Variants in MAF observed in about 807,000 individuals in gnomAD.
MAF encodes the protein MAF bZIP transcription factor.
In MAF, 10 loss-of-function variants were observed where a neutral mutation model predicts 22.0. That is an observed-to-expected ratio of 0.45 (90% CI 0.28 to 0.77). The LOEUF (loss-of-function observed/expected upper bound fraction) is 0.77. MAF is among the 30% of genes least tolerant of loss of function. MAF has a pLI of 0.12. For missense variants in MAF, 544 were observed against 548.4 expected, an observed-to-expected ratio of 0.99 and a Z score of 0.08; for synonymous variants, 337 against 255.8, an observed-to-expected ratio of 1.32 and a Z score of -3.03.
the MAF span, among the ~76,000 whole-genome samples, chr16:79,271,420 G>A: frequency 8.5e-5 from 13 of 152,110 alleles, no homozygotes; most frequent in Admixed American, 2.0e-4. Context: ...ACAAATGCCC[G>A]GTAACCTTAG....
chr16:79,340,161 G>T, the MAF span, among the ~76,000 whole-genome samples: 1 of 151,972 alleles, frequency 6.6e-6, no homozygotes, highest in Non-Finnish European at 1.5e-5. Flanking sequence ...GGAGGAGGAG[G>T]TGATTTTATC....
chr16:79,267,224 C>A, the MAF span, among the ~76,000 whole-genome samples: 27 of 152,176 alleles, frequency 1.8e-4, no homozygotes, highest in Non-Finnish European at 2.8e-4. Flanking sequence ...ACTGATGAAG[C>A]AGCTGCCATC....
chr16:79,550,902 C>G, the MAF span, among the ~76,000 whole-genome samples: 1 of 152,244 alleles, frequency 6.6e-6, no homozygotes, highest in South Asian at 2.1e-4. Flanking sequence ...CCAGACTGAG[C>G]TCTCCCCCAG....
the MAF span, among the ~76,000 whole-genome samples, chr16:79,462,758 A>G: frequency 1.3e-5 from 2 of 152,178 alleles, no homozygotes; most frequent in African/African-American, 4.8e-5. Context: ...CTATACCTAC[A>G]CATACATATT....
the MAF span, among the ~76,000 whole-genome samples, chr16:79,366,546 C>T: frequency 2.6e-5 from 4 of 152,288 alleles, no homozygotes; most frequent in South Asian, 8.3e-4. Flanking sequence ...GAGATAGTTC[C>T]TTACCATCCC....
the MAF span, among the ~76,000 whole-genome samples, chr16:79,268,535 AG>A: frequency 6.6e-6 from 1 of 152,232 alleles, no homozygotes; most frequent in South Asian, 2.1e-4. Flanking sequence ...CTTTCCCCAC[AG>A]TAGCCACATT....
At chr16:79,233,857 T>G in the MAF span, among the ~76,000 whole-genome samples, 2 of 151,764 alleles carry the variant, frequency 1.3e-5, no homozygotes, top group Admixed American at 1.3e-4. Context: ...CCGGGTGTGG[T>G]GGTGGGCACC....
chr16:79,392,005 A>G, the MAF span, among the ~76,000 whole-genome samples: 6 of 148,940 alleles, frequency 4.0e-5, no homozygotes, highest in African/African-American at 1.5e-4. Context: ...GGAGGGAGAG[A>G]CAGAGTAAGG....
chr16:79,580,591 C>G, the MAF span, among the ~76,000 whole-genome samples: 6 of 152,096 alleles, frequency 3.9e-5, no homozygotes, highest in African/African-American at 1.4e-4. Context: ...CCAGACGCTG[C>G]TTGGAGGGAG....
At chr16:79,391,152 C>A in the MAF span, among the ~76,000 whole-genome samples, 3 of 152,140 alleles carry the variant, frequency 2.0e-5, no homozygotes, top group Admixed American at 6.5e-5. Flanking sequence ...AACTCAGGTT[C>A]AAATCCTAGC....
At chr16:79,357,946 A>C in the MAF span, among the ~76,000 whole-genome samples, 1 of 152,312 alleles carries the variant, frequency 6.6e-6, no homozygotes, top group African/African-American at 2.4e-5. Context: ...CCAGCAAGAC[A>C]CTTAGTTCAA....
the MAF span, among the ~76,000 whole-genome samples, chr16:79,409,685 G>C: frequency 6.6e-6 from 1 of 152,196 alleles, no homozygotes; most frequent in African/African-American, 2.4e-5. Flanking sequence ...CAATTGCCCA[G>C]AGGGTTGGCT....
At chr16:79,288,641 T>A in the MAF span, among the ~76,000 whole-genome samples, 1 of 152,208 alleles carries the variant, frequency 6.6e-6, no homozygotes, top group East Asian at 1.9e-4. Context: ...AATAAGCTTA[T>A]TGACTGAGTA....
chr16:79,245,402 A>T, the MAF span, among the ~76,000 whole-genome samples: 1 of 152,132 alleles, frequency 6.6e-6, no homozygotes, highest in Non-Finnish European at 1.5e-5. Flanking sequence ...GGCAAAGGAT[A>T]TAAACAGACA....
the MAF span, among the ~76,000 whole-genome samples, chr16:79,541,355 A>C: frequency 6.6e-6 from 1 of 152,160 alleles, no homozygotes; most frequent in Non-Finnish European, 1.5e-5. Context: ...TCGTGCAGAA[A>C]ATATTTGTAC....
the MAF span, among the ~76,000 whole-genome samples, chr16:79,410,865 A>G: frequency 6.6e-6 from 1 of 152,320 alleles, no homozygotes; most frequent in South Asian, 2.1e-4. Context: ...GGAGGCAGAG[A>G]GGCCAGAGAT....
At chr16:79,519,412 G>C in the MAF span, among the ~76,000 whole-genome samples, 1 of 152,206 alleles carries the variant, frequency 6.6e-6, no homozygotes, top group Non-Finnish European at 1.5e-5. Flanking sequence ...CTCTTGCTTT[G>C]TCTAAATAGA....
chr16:79,540,386 C>A, the MAF span, among the ~76,000 whole-genome samples: 1 of 152,118 alleles, frequency 6.6e-6, no homozygotes. Flanking sequence ...ACCATGAGAA[C>A]CAAACAAACC....
At chr16:79,339,600 G>T in the MAF span, among the ~76,000 whole-genome samples, 1 of 152,116 alleles carries the variant, frequency 6.6e-6, no homozygotes, top group African/African-American at 2.4e-5. Context: ...TATATAGCCA[G>T]GACTATTCTA....
Sources: allele counts gnomAD v4.1 joint callset (sites outside exome capture counted in the v4.1 genomes callset), GRCh38; gene constraint gnomAD v4.1.1; transcripts MANE v1.5; gene names NCBI Gene and HGNC (gene_info 2026-07-23, HGNC 2026-07-21).